The following CCDC92B variants were observed in gnomAD, a reference collection of about 807,000 sequenced individuals.
The protein encoded by CCDC92B is coiled-coil domain-containing 92B.
In CCDC92B, 2 loss-of-function variants were observed where a neutral mutation model predicts 5.6. The observed-to-expected ratio is 0.36, with a 90% CI of 0.15 to 1.12. The LOEUF (loss-of-function observed/expected upper bound fraction) is 1.12, where lower values mean the gene tolerates loss of function less well. CCDC92B is among the 50% of genes most tolerant of loss of function. The pLI is 0.40. For missense variants in CCDC92B, 271 were observed against 262.2 expected (o/e 1.03, Z -0.23); for synonymous variants, 115 against 122.3 (o/e 0.94, Z 0.39).
At chr17:2,739,676 G>A (rs2070905605) in intron 1 of CCDC92B, among the ~76,000 whole-genome samples, 3 of 151,956 alleles carry the variant, frequency 2.0e-5, no homozygotes, top group African/African-American at 4.8e-5. Flanking sequence ...AGCAAGACTC[G>A]TCTCAAAAAA....
chr17:2,741,060 T>C (rs2070921612), intron 1 of CCDC92B, among the ~76,000 whole-genome samples: 1 of 151,298 alleles, frequency 6.6e-6, no homozygotes, highest in South Asian at 2.1e-4. Context: ...ACTATGTTTA[T>C]GATAATTTGT....
At chr17:2,748,590 G>A (rs1310516391) in intron 1 of CCDC92B, 8 of 985,092 alleles carry the variant, frequency 8.1e-6, no homozygotes, top group Non-Finnish European at 9.6e-6. Context: ...CGCTTCCTGA[G>A]GGCAAGGCTT....
intron 2 of CCDC92B, among the ~76,000 whole-genome samples, chr17:2,731,117 A>C (rs1317661917): frequency 2.0e-5 from 3 of 152,212 alleles, no homozygotes; most frequent in Non-Finnish European, 2.9e-5. Flanking sequence ...GGCTTCGAGC[A>C]GGACGGTGCG....
intron 2 of CCDC92B, among the ~76,000 whole-genome samples, chr17:2,732,178 T>C (rs2070801130): frequency 6.6e-6 from 1 of 152,142 alleles, no homozygotes; most frequent in Admixed American, 6.5e-5. Context: ...CGTACCCACC[T>C]CTCAAGCCCT....
intron 3 of CCDC92B, among the ~76,000 whole-genome samples, chr17:2,728,136 G>A (rs1013665013): frequency 6.7e-6 from 1 of 149,610 alleles, no homozygotes; most frequent in Non-Finnish European, 1.5e-5. Context: ...AACCAGCCTG[G>A]GTGACATGGC....
At chr17:2,725,582 T>A (rs565457408) in intron 3 of CCDC92B, among the ~76,000 whole-genome samples, 2 of 151,842 alleles carry the variant, frequency 1.3e-5, no homozygotes, top group African/African-American at 2.4e-5. Context: ...TGGCCCTTTA[T>A]TCATTCCACA....
chr17:2,737,256 G>C (rs929792787), intron 1 of CCDC92B, among the ~76,000 whole-genome samples: 2 of 152,112 alleles, frequency 1.3e-5, no homozygotes, highest in Non-Finnish European at 1.5e-5. Context: ...GGCAGTGGGA[G>C]AGACAGGCCA....
intron 3 of CCDC92B, among the ~76,000 whole-genome samples, chr17:2,727,641 T>C (rs548655615): frequency 1.7e-4 from 26 of 152,038 alleles, no homozygotes; most frequent in South Asian, 8.3e-4. Context: ...CTGGCCAGCA[T>C]GGCGAAACCC....
intron 3 of CCDC92B, among the ~76,000 whole-genome samples, chr17:2,728,475 G>T (rs565688726): frequency 2.0e-5 from 3 of 151,890 alleles, no homozygotes; most frequent in Admixed American, 6.6e-5. Context: ...GCGTGGTGGC[G>T]GGCGCCTGTA....
chr17:2,749,174 G>A (rs2071025057), intron 1 of CCDC92B, among the ~76,000 whole-genome samples: 1 of 152,194 alleles, frequency 6.6e-6, no homozygotes, highest in Non-Finnish European at 1.5e-5. Flanking sequence ...GGCGGGAGGT[G>A]GCGGGGCTCG....
intron 2 of CCDC92B, 33 bp downstream of exon 2, chr17:2,734,983 C>A: frequency 1.0e-6 from 1 of 985,498 alleles, no homozygotes; most frequent in Non-Finnish European, 1.2e-6. Context: ...AGTGACCTCT[C>A]CCCACCCGTC....
intron 2 of CCDC92B, among the ~76,000 whole-genome samples, chr17:2,731,722 C>A (rs1464718545): frequency 6.6e-6 from 1 of 152,226 alleles, no homozygotes; most frequent in Non-Finnish European, 1.5e-5. Flanking sequence ...TTCCCTGAGG[C>A]ACCTGTGAGG....
At chr17:2,744,330 C>T (rs964325495) in intron 1 of CCDC92B, among the ~76,000 whole-genome samples, 4 of 151,932 alleles carry the variant, frequency 2.6e-5, no homozygotes, top group Non-Finnish European at 5.9e-5. Flanking sequence ...GCGCTGCACC[C>T]GGCCTAAATT....
chr17:2,739,423 G>T (rs1597243525), intron 1 of CCDC92B, among the ~76,000 whole-genome samples: 1 of 151,600 alleles, frequency 6.6e-6, no homozygotes, highest in African/African-American at 2.4e-5. Context: ...GCTCATGCCT[G>T]TAATCCCAGC....
At chr17:2,728,267 G>A (rs1244756254) in intron 3 of CCDC92B, among the ~76,000 whole-genome samples, 1 of 149,354 alleles carries the variant, frequency 6.7e-6, no homozygotes. Flanking sequence ...GCAGTGAGCA[G>A]AGATGGTGCC....
chr17:2,733,362 C>G (rs57427222), intron 2 of CCDC92B, among the ~76,000 whole-genome samples: 1 of 151,284 alleles, frequency 6.6e-6, no homozygotes, highest in Non-Finnish European at 1.5e-5. Flanking sequence ...CAGGTTCAAG[C>G]GATTCTCCTG....
intron 3 of CCDC92B, among the ~76,000 whole-genome samples, chr17:2,727,710 G>A (rs1357190099): frequency 6.6e-6 from 1 of 152,074 alleles, no homozygotes; most frequent in East Asian, 1.9e-4. Context: ...TGTGATCCCA[G>A]CTACTTGGGA....
chr17:2,730,785 G>A (rs1182102304), intron 2 of CCDC92B, among the ~76,000 whole-genome samples: 3 of 152,076 alleles, frequency 2.0e-5, no homozygotes, highest in African/African-American at 4.8e-5. Flanking sequence ...TTCACCCCTC[G>A]TGGGACTGAG....
intron 3 of CCDC92B, among the ~76,000 whole-genome samples, chr17:2,728,408 C>A (rs187940674): frequency 2.6e-5 from 4 of 151,910 alleles, no homozygotes; most frequent in Admixed American, 2.6e-4. Context: ...GAGATCTAGA[C>A]CATCCTGGCT....
Sources: allele counts gnomAD v4.1 joint callset (sites outside exome capture counted in the v4.1 genomes callset), GRCh38; gene constraint gnomAD v4.1.1; transcripts MANE v1.5; gene names NCBI Gene and HGNC (gene_info 2026-07-23, HGNC 2026-07-21).